WWOX: variants seen among roughly 807,000 people sequenced by gnomAD.
WWOX encodes the protein WW domain containing oxidoreductase.
Under a neutral mutation model 46.2 loss-of-function variants are expected in WWOX, and 69 were observed. That is an observed-to-expected ratio of 1.49 (90% CI 1.23 to 1.82). The LOEUF is 1.82. Among genes scored for constraint, WWOX ranks in the 40% most tolerant of loss-of-function variants. The pLI is 0.00. For synonymous variants in WWOX, 359 were observed against 202.6 expected (o/e 1.77, Z -6.56); for missense variants, 919 against 542.6 (o/e 1.69, Z -6.89).
chr16:79,023,301 A>G (rs971377464), intron 8 of WWOX, among the ~76,000 whole-genome samples: 7 of 152,228 alleles, frequency 4.6e-5, no homozygotes, highest in Admixed American at 3.9e-4. Context: ...TGTTGAATTC[A>G]GAGTGCTTTA....
At chr16:79,019,050 C>T (rs935251729) in intron 8 of WWOX, among the ~76,000 whole-genome samples, 1 of 146,744 alleles carries the variant, frequency 6.8e-6, no homozygotes, top group South Asian at 2.2e-4. Flanking sequence ...TCAGCTATTC[C>T]GGAAGCTGAG....
At chr16:78,861,951 C>T (rs1251945673) in intron 8 of WWOX, among the ~76,000 whole-genome samples, 2 of 152,120 alleles carry the variant, frequency 1.3e-5, no homozygotes, top group African/African-American at 2.4e-5. Context: ...GTTGGTGATA[C>T]TGATGGTTGT....
chr16:79,060,061 C>G (rs1386630354), intron 8 of WWOX, among the ~76,000 whole-genome samples: 1 of 152,238 alleles, frequency 6.6e-6, no homozygotes, highest in South Asian at 2.1e-4. Flanking sequence ...TTAGCTCAAA[C>G]TGGTTATATT....
chr16:78,386,877 AG>A lies in WWOX; in HGVS notation c.535del (p.Ala179GlnfsTer2), dbSNP rs769656235. 1.2e-6 allele frequency: 2 copies of A among 1,614,104 alleles called. No homozygotes were observed. Among genetic ancestry groups the A allele is most frequent in the South Asian group, 1.1e-5 (1 of 91,076 alleles). On this transcript the variant is annotated frameshift_variant, in exon 6 of 9. Transcript: ENST00000566780. LOFTEE classifies it high-confidence loss of function. ...LEEWHKAKVE[A>X]MTLDLALLRS... ...CATTGCAGCATAAAGCCAAGGTAGA[AG>A]CAATGACCCTGGACCTCGCTCTGCT...
chr16:78,180,213 T>G (rs930241984), intron 5 of WWOX, among the ~76,000 whole-genome samples: 3 of 152,272 alleles, frequency 2.0e-5, no homozygotes, highest in Middle Eastern at 3.4e-3. Context: ...AATCTCTAAC[T>G]TGCCTGGTCA....
intron 8 of WWOX, among the ~76,000 whole-genome samples, chr16:79,031,893 C>T (rs376318741): frequency 0.45 from 29,212 of 64,832 alleles, 3,977 homozygotes; most frequent in African/African-American, 0.51. Context: ...TATCTGTATA[C>T]AGATATCTAT....
At chr16:78,667,508 A>G (rs1487646043) in intron 8 of WWOX, among the ~76,000 whole-genome samples, 1 of 151,708 alleles carries the variant, frequency 6.6e-6, no homozygotes, top group Non-Finnish European at 1.5e-5. Context: ...GTCTCTACTA[A>G]AAAGTACAAA....
At chr16:78,368,414 A>C (rs559555608) in intron 5 of WWOX, among the ~76,000 whole-genome samples, 1 of 152,188 alleles carries the variant, frequency 6.6e-6, no homozygotes, top group Non-Finnish European at 1.5e-5. Flanking sequence ...GTGGACTCAT[A>C]AAGTCACTGC....
chr16:78,831,325 C>G (rs138416032), intron 8 of WWOX, among the ~76,000 whole-genome samples: 1 of 152,268 alleles, frequency 6.6e-6, no homozygotes, highest in African/African-American at 2.4e-5. Flanking sequence ...CTGAAGTAGC[C>G]CCTGACCAGC....
chr16:79,127,162 C>A (rs1464614292), intron 8 of WWOX, among the ~76,000 whole-genome samples: 2 of 151,624 alleles, frequency 1.3e-5, no homozygotes, highest in Non-Finnish European at 2.9e-5. Flanking sequence ...TATTTATATA[C>A]CTATGTGCAT....
chr16:78,301,242 T>C (rs2151867196), intron 5 of WWOX, among the ~76,000 whole-genome samples: 1 of 152,350 alleles, frequency 6.6e-6, no homozygotes, highest in East Asian at 1.9e-4. Flanking sequence ...AAATTGTCTT[T>C]TATAGCTTTT....
intron 5 of WWOX, among the ~76,000 whole-genome samples, chr16:78,232,752 A>G (rs920442444): frequency 7.2e-5 from 11 of 152,200 alleles, no homozygotes; most frequent in African/African-American, 2.7e-4. Context: ...TGAAAAATGT[A>G]GACTGCTTCT....
rs189214503 is a variant in WWOX at position 78,804,875 on chromosome 16, C to G, written c.1056+372123C>G. Among the ~76,000 whole-genome samples, 171 of 152,296 alleles carry G rather than the reference C, an allele frequency of 1.1e-3. 1 individual carries two copies. The highest frequency in any genetic ancestry group is 1.7e-3 in the Non-Finnish European group (115 of 68,020). On this transcript the variant is annotated intron_variant, in intron 8 of 8. Transcript: ENST00000566780. ...TTAGGATGTAGCCATGACAGTATTACGGGTTTTAAAAGCCACCCAAGTAAT... is the reference window on the plus strand; with the variant it reads ...TTAGGATGTAGCCATGACAGTATTAGGGGTTTTAAAAGCCACCCAAGTAAT...
At chr16:78,663,545 A>G (rs560373697) in intron 8 of WWOX, among the ~76,000 whole-genome samples, 63 of 152,262 alleles carry the variant, frequency 4.1e-4, no homozygotes, top group Non-Finnish European at 6.5e-4. Context: ...TCTGATTTCT[A>G]TTATGAGTAA....
At chr16:78,559,669 TC>T (rs752516498) in intron 8 of WWOX, among the ~76,000 whole-genome samples, 3 of 152,218 alleles carry the variant, frequency 2.0e-5, no homozygotes, top group Non-Finnish European at 4.4e-5. Context: ...GGGAGGATTT[TC>T]TTTTCTTTTT....
intron 8 of WWOX, among the ~76,000 whole-genome samples, chr16:78,498,905 G>T (rs1164724689): frequency 6.6e-6 from 1 of 152,060 alleles, no homozygotes; most frequent in South Asian, 2.1e-4. Context: ...TTCCTCGATT[G>T]TCTCTCCTTT....
intron 6 of WWOX, among the ~76,000 whole-genome samples, chr16:78,397,846 C>A (rs1471255863): frequency 1.3e-5 from 2 of 152,162 alleles, no homozygotes; most frequent in African/African-American, 4.8e-5. Flanking sequence ...TTTCTATCAC[C>A]AAAGGGAAAT....
In WWOX at chr16:78,440,343, A is replaced by G. The variant is rs147997937; in HGVS notation, c.1056+7591A>G. Among the ~76,000 whole-genome samples, 121 of 152,244 alleles carry G rather than the reference A, an allele frequency of 7.9e-4. 1 individual carries two copies. The East Asian group carries it at 0.013, about 16-fold the overall frequency. On this transcript the variant is annotated intron_variant, in intron 8 of 8. Coordinates refer to ENST00000566780, the MANE Select transcript of WWOX (RefSeq NM_016373.4). Reference sequence around the variant, plus strand: ...CTTTCTTTCCTTAGGGTTTTGAAACATGTTCTTCAGCCTAGAATACTCCTC... The same window carrying G: ...CTTTCTTTCCTTAGGGTTTTGAAACGTGTTCTTCAGCCTAGAATACTCCTC...
chr16:78,519,637 C>T (rs1272242168), intron 8 of WWOX, among the ~76,000 whole-genome samples: 1 of 152,018 alleles, frequency 6.6e-6, no homozygotes, highest in Non-Finnish European at 1.5e-5. Context: ...AAAGCAGGAC[C>T]TTTAGGACAT....
Sources: gnomAD v4.1 joint callset for allele counts (sites outside exome capture counted in the v4.1 genomes callset) on GRCh38, gnomAD v4.1.1 for gene constraint, MANE v1.5 for transcripts, NCBI Gene and HGNC (gene_info 2026-07-23, HGNC 2026-07-21) for gene names.